Variants in RUFY2 observed in about 807,000 individuals in gnomAD.
The protein encoded by RUFY2 is RUN and FYVE domain-containing protein 2.
RUFY2 carries 49 observed loss-of-function variants against 94.4 expected under a neutral mutation model. The observed-to-expected ratio is 0.52, with a 90% CI of 0.41 to 0.66. The LOEUF (loss-of-function observed/expected upper bound fraction) is 0.66, where lower values mean the gene tolerates loss of function less well. RUFY2 is among the 30% of genes least tolerant of loss of function. RUFY2 has a pLI of 0.00. For synonymous variants in RUFY2, 255 were observed against 235.7 expected (o/e 1.08, Z -0.75); for missense variants, 541 against 692.8 (o/e 0.78, Z 2.46).
intron 7 of RUFY2, among the ~76,000 whole-genome samples, chr10:68,389,364 G>A (rs557477133): frequency 6.6e-6 from 1 of 152,118 alleles, no homozygotes; most frequent in Non-Finnish European, 1.5e-5. Flanking sequence ...AGGCCGAGGT[G>A]GGTGGATCAC....
At chr10:68,373,902 C>G (rs758862455) in intron 13 of RUFY2, among the ~76,000 whole-genome samples, 5 of 151,872 alleles carry the variant, frequency 3.3e-5, no homozygotes, top group Non-Finnish European at 5.9e-5. Flanking sequence ...CTCAGGACTT[C>G]AAGATCAGTG....
chr10:68,365,531 C>T (rs1433383756), intron 13 of RUFY2, among the ~76,000 whole-genome samples: 1 of 152,190 alleles, frequency 6.6e-6, no homozygotes, highest in Admixed American at 6.5e-5. Context: ...GCCTGAGCCA[C>T]CAGGACAGGC....
intron 3 of RUFY2, among the ~76,000 whole-genome samples, chr10:68,398,150 AT>A (rs1219100537): frequency 2.0e-5 from 3 of 149,374 alleles, no homozygotes; most frequent in South Asian, 4.2e-4. Flanking sequence ...AAAAAAAAAA[AT>A]TCTACAATAA....
chr10:68,378,489 A>C, intron 12 of RUFY2: 1 of 1,372,538 alleles, frequency 7.3e-7, no homozygotes, highest in Non-Finnish European at 9.5e-7. Context: ...TAGCATTTAG[A>C]TTCCTTTCTA....
intron 1 of RUFY2, chr10:68,406,644 G>T: frequency 9.3e-7 from 1 of 1,074,932 alleles, no homozygotes; most frequent in Non-Finnish European, 1.3e-6. Context: ...GCCAGTGCCC[G>T]CACCTTGCCG....
intron 4 of RUFY2, among the ~76,000 whole-genome samples, chr10:68,395,139 AGCAACCTG>A (rs916199024): frequency 1.1e-4 from 16 of 151,914 alleles, no homozygotes; most frequent in South Asian, 8.3e-4. Flanking sequence ...GGAGTTCAAG[AGCAACCTG>A]GCCAACATGG....
intron 7 of RUFY2, among the ~76,000 whole-genome samples, chr10:68,390,480 C>T (rs2049889926): frequency 6.6e-6 from 1 of 152,148 alleles, no homozygotes; most frequent in South Asian, 2.1e-4. Context: ...TATACCTGTG[C>T]TGTCCAGTAT....
chr10:68,394,909 G>A (rs896307804), intron 4 of RUFY2, among the ~76,000 whole-genome samples: 2 of 151,944 alleles, frequency 1.3e-5, no homozygotes, highest in African/African-American at 4.8e-5. Flanking sequence ...GATTACAGGC[G>A]TGAGCCACCG....
At chr10:68,398,708 T>A (rs1469917417) in intron 3 of RUFY2, among the ~76,000 whole-genome samples, 1 of 151,906 alleles carries the variant, frequency 6.6e-6, no homozygotes, top group African/African-American at 2.4e-5. Flanking sequence ...TTTTTTTTTT[T>A]AAAGAGAGTG....
downstream of RUFY2, chr10:68,342,438 T>C: frequency 6.1e-6 from 1 of 163,972 alleles, no homozygotes; most frequent in Non-Finnish European, 1.3e-5. Flanking sequence ...AGCAGACATC[T>C]GGAATAGAGC....
chr10:68,387,370 T>C lies in RUFY2; in HGVS notation c.651-1242A>G, dbSNP rs574341070. Among the ~76,000 whole-genome samples the C allele has an allele frequency of 1.2e-4, 18 of 152,006 alleles. No individual in the cohort carries two copies. In the South Asian group the frequency reaches 3.1e-3, roughly 26 times the overall value. On this transcript the variant is annotated intron_variant, in intron 7 of 17. Coordinates refer to ENST00000602465, the MANE Select transcript of RUFY2 (RefSeq NM_001330103.2). ...AAAACTCCATCTCAAAAAAAAAGAA[T>C]GTTGTCCAAGGCCTGCTTGATACTA...
chr10:68,392,537 C>G (rs2050078071), intron 7 of RUFY2, among the ~76,000 whole-genome samples: 2 of 152,070 alleles, frequency 1.3e-5, no homozygotes, highest in Non-Finnish European at 2.9e-5. Flanking sequence ...AACCATCAAA[C>G]TGATACAAAC....
At chr10:68,393,903 A>G (rs763040715) in intron 6 of RUFY2, 172 bp downstream of exon 6, 8 of 1,354,834 alleles carry the variant, frequency 5.9e-6, no homozygotes, top group Admixed American at 3.7e-5. Flanking sequence ...CTCCTAAGTG[A>G]TTTTCCATAA....
At chr10:68,389,661 G>A (rs1171329274) in intron 7 of RUFY2, among the ~76,000 whole-genome samples, 1 of 152,036 alleles carries the variant, frequency 6.6e-6, no homozygotes, top group Non-Finnish European at 1.5e-5. Flanking sequence ...AGGCATGGTG[G>A]CTCACACCTG....
chr10:68,345,742 A>G lies in RUFY2; in HGVS notation c.*26T>C, dbSNP rs1343191736. On this transcript the variant is annotated 3_prime_UTR_variant, in exon 18 of 18. Transcript: ENST00000602465. ...CATAACATTCATTGTAGGTAATTTC[A>G]TACATAAGGATTTAGTTCTGGAGTC... The G allele has an allele frequency of 2.5e-6, 4 of 1,593,982 alleles. No homozygotes were observed. In the South Asian group the frequency reaches 4.5e-5, roughly 18 times the overall value.
chr10:68,380,547 T>C (rs1353978485), intron 11 of RUFY2, among the ~76,000 whole-genome samples: 1 of 152,046 alleles, frequency 6.6e-6, no homozygotes, highest in African/African-American at 2.4e-5. Flanking sequence ...ATCTACTTAA[T>C]AGCAATATCA....
chr10:68,406,770 C>T (rs1173862092), intron 1 of RUFY2: 1 of 1,611,692 alleles, frequency 6.2e-7, no homozygotes, highest in Admixed American at 1.7e-5. Context: ...TCCTGCGCGT[C>T]AGCATTCCCC....
At chr10:68,349,750 G>A (rs1349148841) in intron 16 of RUFY2, among the ~76,000 whole-genome samples, 1 of 152,026 alleles carries the variant, frequency 6.6e-6, no homozygotes, top group Non-Finnish European at 1.5e-5. Context: ...GTGTTAGCCA[G>A]GATGGTCTCG....
At chr10:68,347,278 C>CT (rs66465620) in intron 16 of RUFY2, among the ~76,000 whole-genome samples, 2,479 of 86,678 alleles carry the variant, frequency 0.029, 86 homozygotes, top group African/African-American at 0.082. Context: ...CAACTTGACC[C>CT]TTTTTTTTTT....
Sources: allele counts gnomAD v4.1 joint callset (sites outside exome capture counted in the v4.1 genomes callset), GRCh38; gene constraint gnomAD v4.1.1; transcripts MANE v1.5; gene names NCBI Gene and HGNC (gene_info 2026-07-23, HGNC 2026-07-21).